Variants in WWOX observed in about 807,000 individuals in gnomAD.
WWOX encodes the protein WW domain-containing oxidoreductase.
Under a neutral mutation model 46.2 loss-of-function variants are expected in WWOX, and 69 were observed. The observed-to-expected ratio is 1.49, with a 90% CI of 1.23 to 1.82. WWOX has a LOEUF of 1.82. Ranked by LOEUF, WWOX falls within the 40% of genes most tolerant of loss-of-function variation. The pLI is 0.00. For missense variants in WWOX, 919 were observed against 542.6 expected (o/e 1.69, Z -6.89); for synonymous variants, 359 against 202.6 (o/e 1.77, Z -6.56).
At chr16:79,160,753 T>G (rs1032925054) in intron 8 of WWOX, among the ~76,000 whole-genome samples, 22 of 152,144 alleles carry the variant, frequency 1.4e-4, no homozygotes, top group African/African-American at 5.3e-4. Flanking sequence ...TGGTGCAGAT[T>G]AGAGAAAAAA....
chr16:79,053,729 A>T (rs2150533458), intron 8 of WWOX, among the ~76,000 whole-genome samples: 1 of 152,308 alleles, frequency 6.6e-6, no homozygotes, highest in South Asian at 2.1e-4. Flanking sequence ...AATTTAGAGG[A>T]TGCAGGCTTG....
At chr16:78,368,487 C>G (rs373760038) in intron 5 of WWOX, among the ~76,000 whole-genome samples, 1 of 152,182 alleles carries the variant, frequency 6.6e-6, no homozygotes, top group African/African-American at 2.4e-5. Context: ...GGTAAAAGCT[C>G]TGGGCCACCC....
At chr16:78,325,166 G>A (rs1189174905) in intron 5 of WWOX, among the ~76,000 whole-genome samples, 1 of 152,202 alleles carries the variant, frequency 6.6e-6, no homozygotes, top group Non-Finnish European at 1.5e-5. Context: ...AGAGGAACTG[G>A]TTCCTTTGAA....
intron 8 of WWOX, among the ~76,000 whole-genome samples, chr16:78,575,040 TATATATATATATATATATATATATA>T (rs2044830584): frequency 9.7e-4 from 4 of 4,110 alleles, no homozygotes; most frequent in African/African-American, 8.1e-4. Flanking sequence ...TATATATATA[TATATATATATATATATATATATATA>T]TATATATATA....
At chr16:78,222,313 G>C (rs2036913558) in intron 5 of WWOX, among the ~76,000 whole-genome samples, 1 of 150,558 alleles carries the variant, frequency 6.6e-6, no homozygotes, top group African/African-American at 2.5e-5. Context: ...CCTCATTAGG[G>C]GTGAGAGTTT....
chr16:79,145,870 A>C (rs2150724033), intron 8 of WWOX, among the ~76,000 whole-genome samples: 1 of 152,346 alleles, frequency 6.6e-6, no homozygotes, highest in South Asian at 2.1e-4. Context: ...ATTTAAGAAT[A>C]AATGTATAAG....
intron 8 of WWOX, among the ~76,000 whole-genome samples, chr16:78,461,317 G>A (rs539930930): frequency 1.3e-5 from 2 of 151,968 alleles, no homozygotes; most frequent in Admixed American, 6.6e-5. Flanking sequence ...TGCACTGTCC[G>A]TTTTCCAAAT....
intron 8 of WWOX, among the ~76,000 whole-genome samples, chr16:78,948,485 A>C: frequency 6.6e-6 from 1 of 150,898 alleles, no homozygotes; most frequent in African/African-American, 2.4e-5. Flanking sequence ...GCTTTTGAGA[A>C]CCTCCCGTTT....
chr16:78,634,884 G>T (rs1202970117), intron 8 of WWOX, among the ~76,000 whole-genome samples: 1 of 151,294 alleles, frequency 6.6e-6, no homozygotes, highest in Non-Finnish European at 1.5e-5. Flanking sequence ...GCGCGTGCAT[G>T]TGTATACGCT....
intron 6 of WWOX, among the ~76,000 whole-genome samples, chr16:78,393,503 A>C (rs533386416): frequency 6.6e-6 from 1 of 151,018 alleles, no homozygotes; most frequent in Middle Eastern, 3.2e-3. Flanking sequence ...TATATTACAA[A>C]ATTTTTTAAA....
At chr16:78,454,823 G>T (rs2083778481) in intron 8 of WWOX, among the ~76,000 whole-genome samples, 1 of 152,114 alleles carries the variant, frequency 6.6e-6, no homozygotes, top group African/African-American at 2.4e-5. Flanking sequence ...TTTTGTGTAT[G>T]TGCCAATGAT....
intron 8 of WWOX, among the ~76,000 whole-genome samples, chr16:78,572,793 G>C (rs1165387801): frequency 6.6e-6 from 1 of 152,094 alleles, no homozygotes; most frequent in Non-Finnish European, 1.5e-5. Context: ...ACGGGGCATG[G>C]TTGGGAGGAA....
Position 78,785,738 on chromosome 16 carries a change from T to G in WWOX, c.1056+352986T>G, listed in dbSNP as rs916458380. Among the ~76,000 whole-genome samples the G allele has an allele frequency of 5.3e-5, 8 of 152,138 alleles. No homozygotes were observed. The East Asian group carries it at 5.8e-4, about 11-fold the overall frequency. On this transcript the variant is annotated intron_variant, in intron 8 of 8. Transcript: ENST00000566780. The stretch of plus-strand genomic sequence containing the variant: ...TGATATTTTCATTTTTATTAAGAAG[T>G]AAGGCAAAAACAAAATAAGACATAT...
In WWOX at chr16:78,696,333, AC is replaced by A. The variant is rs1451425806; in HGVS notation, c.1056+263583del. Among the ~76,000 whole-genome samples, 32 of 152,192 alleles carry A rather than the reference AC, an allele frequency of 2.1e-4. 1 individual carries two copies. Among genetic ancestry groups the A allele is most frequent in the Non-Finnish European group, 4.3e-4 (29 of 68,034 alleles). ...GCTGAGATTTAGGCTGCACCTGAGTACCAGGCAGGGTCCTAAGTGACTTCAG... is the reference window on the plus strand; with the variant it reads ...GCTGAGATTTAGGCTGCACCTGAGTACAGGCAGGGTCCTAAGTGACTTCAG... On this transcript the variant is annotated intron_variant, in intron 8 of 8. Coordinates refer to ENST00000566780, the MANE Select transcript of WWOX (RefSeq NM_016373.4).
intron 8 of WWOX, among the ~76,000 whole-genome samples, chr16:78,443,250 A>G (rs751105888): frequency 6.6e-5 from 10 of 151,640 alleles, no homozygotes; most frequent in Non-Finnish European, 1.3e-4. Flanking sequence ...GGTTGCAGTG[A>G]GCTGACATCG....
rs1285647180 is a variant in WWOX at position 78,557,322 on chromosome 16, A to G, written c.1056+124570A>G. Among the ~76,000 whole-genome samples the G allele has an allele frequency of 3.3e-5, 5 of 152,166 alleles. 1 individual carries two copies. The highest frequency in any genetic ancestry group is 5.9e-5 in the Non-Finnish European group (4 of 68,036). On this transcript the variant is annotated intron_variant, in intron 8 of 8. Coordinates refer to ENST00000566780, the MANE Select transcript of WWOX (RefSeq NM_016373.4). Reference sequence around the variant, plus strand: ...AATGCTTTTCATGTGGGAAAAACCAATACCAACTTCAGTGATATTATTTCT... The same window carrying G: ...AATGCTTTTCATGTGGGAAAAACCAGTACCAACTTCAGTGATATTATTTCT...
intron 8 of WWOX, among the ~76,000 whole-genome samples, chr16:78,686,510 C>CA (rs35577182): frequency 0.57 from 83,016 of 144,478 alleles, 24,114 homozygotes; most frequent in Admixed American, 0.67. Flanking sequence ...GACTCCCTGT[C>CA]AAAAAAAAAA....
chr16:78,989,121 A>G (rs796857030), intron 8 of WWOX, among the ~76,000 whole-genome samples: 2 of 152,252 alleles, frequency 1.3e-5, no homozygotes, highest in African/African-American at 4.8e-5. Flanking sequence ...TACTAAAATT[A>G]TCAGCATATT....
chr16:78,677,773 C>T (rs559934435), intron 8 of WWOX, among the ~76,000 whole-genome samples: 46 of 152,306 alleles, frequency 3.0e-4, no homozygotes, highest in African/African-American at 1.0e-3. Context: ...GGTATTAAAA[C>T]AGAGGAAACA....
Sources: allele counts gnomAD v4.1 joint callset (sites outside exome capture counted in the v4.1 genomes callset), GRCh38; gene constraint gnomAD v4.1.1; transcripts MANE v1.5; gene names NCBI Gene and HGNC (gene_info 2026-07-23, HGNC 2026-07-21).